Variants in NRXN1 observed in about 807,000 individuals in gnomAD.
The protein encoded by NRXN1 is neurexin 1.
NRXN1 carries 39 observed loss-of-function variants against 150.9 expected under a neutral mutation model. The ratio of observed to expected loss-of-function variants is 0.26; its 90% CI spans 0.20 to 0.34. The LOEUF is 0.34. Among genes scored for constraint, NRXN1 ranks in the 10% least tolerant of loss-of-function variants. NRXN1 has a pLI of 1.00. For synonymous variants in NRXN1, 924 were observed against 757.0 expected (o/e 1.22, Z -3.62); for missense variants, 1,815 against 1,949.9 (o/e 0.93, Z 1.30).
chr2:50,061,218 T>C (rs1004832106), intron 19 of NRXN1, among the ~76,000 whole-genome samples: 3 of 152,236 alleles, frequency 2.0e-5, no homozygotes, highest in Admixed American at 2.0e-4. Context: ...TTGCTGATTA[T>C]ATTTAATACT....
At chr2:50,862,139 T>G (rs1244773861) in intron 5 of NRXN1, among the ~76,000 whole-genome samples, 2 of 151,218 alleles carry the variant, frequency 1.3e-5, no homozygotes, top group African/African-American at 4.9e-5. Context: ...GAGGCAGAGG[T>G]TTCAGTGAGC....
chr2:50,331,191 G>C (rs1276468027), intron 17 of NRXN1, among the ~76,000 whole-genome samples: 1 of 152,000 alleles, frequency 6.6e-6, no homozygotes, highest in African/African-American at 2.4e-5. Flanking sequence ...AATTTGATAT[G>C]ATAAAATATA....
At position 50,032,637 on chromosome 2, in the gene NRXN1, A is replaced by T. The variant is rs372748352; in HGVS notation, c.4128+20634T>A. On this transcript the variant is annotated intron_variant, in intron 21 of 22. Coordinates refer to ENST00000401669, the MANE Select transcript of NRXN1 (RefSeq NM_001330078.2). ...GAAACCCTAACCCCCAATGTGACTT[A>T]TTTGAAGAGAGGAACTTTAGGAGGT... is the stretch of plus-strand genomic sequence containing the variant. 8.4e-4 allele frequency among the ~76,000 whole-genome samples: 127 copies of T among 152,088 alleles called. 1 individual carries two copies. In the Middle Eastern group the frequency reaches 0.027, roughly 33 times the overall value.
At position 49,933,724 on chromosome 2, in the gene NRXN1, G is replaced by A. The variant is rs75363522; in HGVS notation, c.4216+9980C>T. On this transcript the variant is annotated intron_variant, in intron 22 of 22. Transcript: ENST00000401669. The stretch of plus-strand genomic sequence containing the variant: ...CAGTATGAAAGTATCTGAGGAGGAT[G>A]AGGACTTTGTAAAAACAGTGATTAT... 3.3e-5 allele frequency among the ~76,000 whole-genome samples: 5 copies of A among 152,302 alleles called. No homozygotes were observed. The East Asian group carries it at 9.7e-4, about 29-fold the overall frequency.
intron 6 of NRXN1, among the ~76,000 whole-genome samples, chr2:50,622,530 T>G (rs1001521230): frequency 6.6e-6 from 1 of 152,180 alleles, no homozygotes; most frequent in Admixed American, 6.6e-5. Context: ...ACTTATAATG[T>G]TCAATATAAA....
At chr2:50,954,191 TA>T (rs1211530089) in intron 2 of NRXN1, among the ~76,000 whole-genome samples, 1 of 152,188 alleles carries the variant, frequency 6.6e-6, no homozygotes, top group Non-Finnish European at 1.5e-5. Context: ...TTATTTTCAT[TA>T]TATCTTGTTT....
intron 18 of NRXN1, among the ~76,000 whole-genome samples, chr2:50,193,407 C>T (rs539385590): frequency 6.6e-6 from 1 of 152,146 alleles, no homozygotes; most frequent in Non-Finnish European, 1.5e-5. Flanking sequence ...CCAAACAAAG[C>T]TGCTGTGTTA....
chr2:50,179,793 T>C (rs1315282872), intron 18 of NRXN1, among the ~76,000 whole-genome samples: 1 of 151,944 alleles, frequency 6.6e-6, no homozygotes, highest in African/African-American at 2.4e-5. Context: ...AGAATGAAAA[T>C]TGAAAAGCAG....
intron 5 of NRXN1, among the ~76,000 whole-genome samples, chr2:50,809,401 T>A (rs1196312875): frequency 1.3e-5 from 2 of 152,104 alleles, no homozygotes; most frequent in Non-Finnish European, 2.9e-5. Flanking sequence ...ATCATATGAA[T>A]GGAGAAGAGC....
intron 8 of NRXN1, among the ~76,000 whole-genome samples, chr2:50,577,690 G>A (rs1465944678): frequency 2.7e-5 from 4 of 149,670 alleles, no homozygotes; most frequent in African/African-American, 4.9e-5. Flanking sequence ...ATTTAGTCAC[G>A]GTAATAGTAC....
intron 5 of NRXN1, among the ~76,000 whole-genome samples, chr2:50,624,476 T>C (rs1356735555): frequency 6.6e-6 from 1 of 152,114 alleles, no homozygotes; most frequent in Non-Finnish European, 1.5e-5. Flanking sequence ...GAAACATTTA[T>C]GTTCAAAGAT....
chr2:50,926,217 C>A (rs1686863624), intron 2 of NRXN1, among the ~76,000 whole-genome samples: 1 of 151,892 alleles, frequency 6.6e-6, no homozygotes, highest in Non-Finnish European at 1.5e-5. Flanking sequence ...CTTTCAACTA[C>A]CCAGTATAAA....
intron 2 of NRXN1, among the ~76,000 whole-genome samples, chr2:50,958,457 A>G (rs1165652714): frequency 6.6e-6 from 1 of 152,008 alleles, no homozygotes; most frequent in East Asian, 1.9e-4. Context: ...TTACAAAACT[A>G]CTATTGGTGA....
At chr2:50,751,580 G>A (rs923205574) in intron 5 of NRXN1, among the ~76,000 whole-genome samples, 1 of 151,870 alleles carries the variant, frequency 6.6e-6, no homozygotes, top group Non-Finnish European at 1.5e-5. Flanking sequence ...CACCCCATAT[G>A]CCATATTTCC....
chr2:50,749,107 A>G (rs9679335), intron 5 of NRXN1, among the ~76,000 whole-genome samples: 9,975 of 152,102 alleles, frequency 0.066, 1,091 homozygotes, highest in African/African-American at 0.23. Flanking sequence ...ACTGAAACGT[A>G]TAAGTCTGTT....
At chr2:49,989,719 G>T (rs1681590496) in intron 21 of NRXN1, among the ~76,000 whole-genome samples, 1 of 152,116 alleles carries the variant, frequency 6.6e-6, no homozygotes, top group Non-Finnish European at 1.5e-5. Flanking sequence ...TCTAGGATTG[G>T]ATAGCTCAAT....
chr2:50,621,511 C>T (rs1490096079), intron 6 of NRXN1, among the ~76,000 whole-genome samples: 2 of 152,116 alleles, frequency 1.3e-5, no homozygotes, highest in African/African-American at 2.4e-5. Context: ...TATTATTGTT[C>T]ATAATTTGCT....
At chr2:50,505,220 C>T (rs1366433002) in intron 13 of NRXN1, among the ~76,000 whole-genome samples, 1 of 151,970 alleles carries the variant, frequency 6.6e-6, no homozygotes, top group Non-Finnish European at 1.5e-5. Flanking sequence ...ACCAACAAAC[C>T]AAAACACACA....
intron 21 of NRXN1, among the ~76,000 whole-genome samples, chr2:49,967,075 C>T (rs1677091338): frequency 1.3e-5 from 2 of 152,132 alleles, no homozygotes; most frequent in Admixed American, 6.5e-5. Flanking sequence ...TGATAAATTT[C>T]CCAAAGTAGT....
Sources: gnomAD v4.1 joint callset for allele counts (sites outside exome capture counted in the v4.1 genomes callset) on GRCh38, gnomAD v4.1.1 for gene constraint, MANE v1.5 for transcripts, NCBI Gene and HGNC (gene_info 2026-07-23, HGNC 2026-07-21) for gene names.